PRKCA: variants seen among roughly 807,000 people sequenced by gnomAD.
PRKCA encodes the protein protein kinase C alpha type.
In PRKCA, 27 loss-of-function variants were observed where a neutral mutation model predicts 87.0. That is an observed-to-expected ratio of 0.31 (90% CI 0.23 to 0.43). PRKCA has a LOEUF of 0.43. Among genes scored for constraint, PRKCA ranks in the 20% least tolerant of loss-of-function variants. The pLI, the probability that PRKCA is intolerant of heterozygous loss-of-function variation, is 1.00. For missense variants in PRKCA, 518 were observed against 852.3 expected (o/e 0.61, Z 4.88); for synonymous variants, 329 against 311.1 (o/e 1.06, Z -0.61).
chr17:66,481,735 C>A (rs1199360932), intron 2 of PRKCA, among the ~76,000 whole-genome samples: 1 of 152,190 alleles, frequency 6.6e-6, no homozygotes, highest in East Asian at 1.9e-4. Context: ...GCCAGACTTT[C>A]TGGCCTTCAA....
chr17:66,764,971 A>C (rs1018742594), intron 13 of PRKCA, among the ~76,000 whole-genome samples: 6 of 152,232 alleles, frequency 3.9e-5, no homozygotes, highest in African/African-American at 1.4e-4. Context: ...AGAGCCAGAG[A>C]ACCAGAATGG....
At chr17:66,304,500 G>A (rs1904693186) in intron 1 of PRKCA, among the ~76,000 whole-genome samples, 1 of 152,228 alleles carries the variant, frequency 6.6e-6, no homozygotes, top group East Asian at 1.9e-4. Flanking sequence ...CTCCTTCTAG[G>A]CCAGGGGGAG....
At chr17:66,676,922 C>T (rs1972349652) in intron 5 of PRKCA, 1 of 152,120 alleles carries the variant, frequency 6.6e-6, no homozygotes, top group African/African-American at 2.4e-5. Context: ...TTCAGAGGCT[C>T]AGCTCAAAGC....
At chr17:66,559,513 C>T (rs955970762) in intron 3 of PRKCA, among the ~76,000 whole-genome samples, 3 of 148,144 alleles carry the variant, frequency 2.0e-5, no homozygotes, top group Non-Finnish European at 4.5e-5. Flanking sequence ...AAAAGCTCTC[C>T]AGTACCCTCA....
chr17:66,570,653 C>T (rs1004025361), intron 3 of PRKCA, among the ~76,000 whole-genome samples: 1 of 152,154 alleles, frequency 6.6e-6, no homozygotes, highest in Non-Finnish European at 1.5e-5. Context: ...TCGGGCTTTT[C>T]TGCCATGCCT....
intron 8 of PRKCA, among the ~76,000 whole-genome samples, chr17:66,704,556 G>T (rs532937127): frequency 1.3e-5 from 2 of 152,290 alleles, no homozygotes; most frequent in South Asian, 4.1e-4. Flanking sequence ...TGTCTTCACA[G>T]TTCTTATATT....
intron 2 of PRKCA, among the ~76,000 whole-genome samples, chr17:66,388,302 T>A (rs927222683): frequency 3.3e-5 from 5 of 152,148 alleles, no homozygotes; most frequent in Non-Finnish European, 5.9e-5. Context: ...ACCTCTTTTT[T>A]TTTTTCTTTG....
At chr17:66,424,451 C>A (rs1361250578) in intron 2 of PRKCA, among the ~76,000 whole-genome samples, 2 of 151,896 alleles carry the variant, frequency 1.3e-5, no homozygotes, top group Non-Finnish European at 2.9e-5. Flanking sequence ...TCTGTAATCC[C>A]AGCTACTTGG....
chr17:66,742,977 C>T (rs1015848866), intron 13 of PRKCA, among the ~76,000 whole-genome samples: 4 of 152,180 alleles, frequency 2.6e-5, no homozygotes, highest in Non-Finnish European at 4.4e-5. Context: ...TTGTTTGCTC[C>T]ATGTGAGCCA....
chr17:66,737,377 GA>G (rs1256852170), intron 10 of PRKCA, among the ~76,000 whole-genome samples: 1 of 152,062 alleles, frequency 6.6e-6, no homozygotes, highest in African/African-American at 2.4e-5. Context: ...AGAAAAAAAA[GA>G]AACATAGATG....
chr17:66,376,345 C>T (rs371635807), intron 2 of PRKCA, among the ~76,000 whole-genome samples: 15 of 152,276 alleles, frequency 9.9e-5, no homozygotes, highest in African/African-American at 1.9e-4. Flanking sequence ...CGGTGGCTCA[C>T]GCCTGTAATC....
intron 8 of PRKCA, among the ~76,000 whole-genome samples, chr17:66,692,560 G>T (rs1972813369): frequency 6.6e-6 from 1 of 152,180 alleles, no homozygotes. Flanking sequence ...GAGCAGTTCT[G>T]GGTAGCAGCC....
intron 2 of PRKCA, among the ~76,000 whole-genome samples, chr17:66,378,482 A>C (rs1474634902): frequency 6.6e-6 from 1 of 152,068 alleles, no homozygotes; most frequent in Admixed American, 6.6e-5. Context: ...CATTTTTGTC[A>C]CTCCAGAAAG....
intron 3 of PRKCA, among the ~76,000 whole-genome samples, chr17:66,594,975 A>C (rs1445106455): frequency 6.6e-6 from 1 of 152,224 alleles, no homozygotes; most frequent in Non-Finnish European, 1.5e-5. Flanking sequence ...CTCACAGTTC[A>C]GGGAACCAGA....
chr17:66,316,345 A>G (rs12940610), intron 2 of PRKCA, among the ~76,000 whole-genome samples: 90,622 of 152,020 alleles, frequency 0.6, 27,164 homozygotes, highest in African/African-American at 0.65. Flanking sequence ...CAAAGTTACA[A>G]ATACAGAGAT....
intron 14 of PRKCA, among the ~76,000 whole-genome samples, chr17:66,781,864 G>GAT (rs1474229305): frequency 1.1e-4 from 13 of 117,372 alleles, no homozygotes; most frequent in South Asian, 7.5e-4. Context: ...GAGAGAGAGA[G>GAT]AGAGATATAT....
intron 2 of PRKCA, among the ~76,000 whole-genome samples, chr17:66,488,744 G>A (rs944567649): frequency 5.3e-5 from 8 of 152,288 alleles, no homozygotes; most frequent in South Asian, 2.1e-4. Context: ...TTGGGAGCAC[G>A]TGCACAGATG....
Position 66,792,112 on chromosome 17 carries a change from C to G in PRKCA, c.1854+3133C>G, listed in dbSNP as rs1975553810. On this transcript the variant is annotated intron_variant, in intron 16 of 16. Coordinates refer to ENST00000413366, the MANE Select transcript of PRKCA (RefSeq NM_002737.3). The surrounding 1 kb of genome is among the most constrained non-coding windows in gnomAD (Gnocchi z 4.5). ...CAGCAGTTCTTATAATCCTGGCTCA[C>G]CAACCTTTTCTGTCTTGGTGAAGTC... 6.6e-6 allele frequency among the ~76,000 whole-genome samples: 1 copy of G among 152,114 alleles called. No individual in the cohort carries two copies. The highest frequency in any genetic ancestry group is 1.5e-5 in the Non-Finnish European group (1 of 68,032).
intron 2 of PRKCA, among the ~76,000 whole-genome samples, chr17:66,321,646 C>T (rs1420828716): frequency 2.0e-5 from 3 of 152,240 alleles, no homozygotes; most frequent in Admixed American, 6.5e-5. Flanking sequence ...TGGGTTCAAG[C>T]GATTCTCCTG....
Sources: gnomAD v4.1 joint callset for allele counts (sites outside exome capture counted in the v4.1 genomes callset) on GRCh38, gnomAD v4.1.1 for gene constraint, Gnocchi (gnomAD v3.1) non-coding constraint, MANE v1.5 for transcripts, NCBI Gene and HGNC (gene_info 2026-07-23, HGNC 2026-07-21) for gene names.